The following EYA4 variants were observed in gnomAD, a reference collection of about 807,000 sequenced individuals.
EYA4 encodes the protein EYA transcriptional coactivator and phosphatase 4.
Under a neutral mutation model 87.9 loss-of-function variants are expected in EYA4, and 31 were observed. That is an observed-to-expected ratio of 0.35 (90% CI 0.27 to 0.48). The LOEUF (loss-of-function observed/expected upper bound fraction) is 0.48, where lower values mean the gene tolerates loss of function less well. Among genes scored for constraint, EYA4 ranks in the 20% least tolerant of loss-of-function variants. The pLI is 0.99. For synonymous variants in EYA4, 263 were observed against 270.6 expected (o/e 0.97, Z 0.28); for missense variants, 678 against 761.4 (o/e 0.89, Z 1.29).
chr6:133,397,096 G>A (rs969164239), intron 3 of EYA4, among the ~76,000 whole-genome samples: 4 of 152,198 alleles, frequency 2.6e-5, no homozygotes, highest in Non-Finnish European at 4.4e-5. Flanking sequence ...GCTGGAAAAA[G>A]CATTCTCTTC....
chr6:133,280,874 C>T (rs952979398), intron 2 of EYA4, among the ~76,000 whole-genome samples: 34 of 152,134 alleles, frequency 2.2e-4, no homozygotes, highest in African/African-American at 2.4e-4. Context: ...CCCATTCCCC[C>T]GATGAGCACC....
At chr6:133,513,198 T>G (rs1799308057) in intron 16 of EYA4, among the ~76,000 whole-genome samples, 160 bp downstream of exon 16, 1 of 152,144 alleles carries the variant, frequency 6.6e-6, no homozygotes, top group African/African-American at 2.4e-5. Flanking sequence ...GGGAAAAAAT[T>G]TAACTACAAA....
At chr6:133,341,113 T>G (rs530389532) in intron 2 of EYA4, among the ~76,000 whole-genome samples, 1 of 152,264 alleles carries the variant, frequency 6.6e-6, no homozygotes, top group African/African-American at 2.4e-5. Flanking sequence ...ACCCAGAACA[T>G]GCATTTTAAG....
At chr6:133,438,419 C>G (rs1791915258) in intron 3 of EYA4, among the ~76,000 whole-genome samples, 1 of 146,652 alleles carries the variant, frequency 6.8e-6, no homozygotes, top group Non-Finnish European at 1.5e-5. Context: ...GTATGTCGTC[C>G]AGATTGGCTA....
intron 2 of EYA4, among the ~76,000 whole-genome samples, chr6:133,278,715 T>C (rs1349458763): frequency 6.6e-6 from 1 of 152,196 alleles, no homozygotes; most frequent in Non-Finnish European, 1.5e-5. Flanking sequence ...ATTTTTCCTC[T>C]AGTATATCTG....
intron 1 of EYA4, chr6:133,247,806 G>C (rs1370747734): frequency 6.6e-6 from 1 of 152,026 alleles, no homozygotes; most frequent in African/African-American, 2.4e-5. Context: ...ACCCTCTCAC[G>C]GTGGCCGCCG....
At chr6:133,480,974 G>T (rs1292107442) in intron 11 of EYA4, among the ~76,000 whole-genome samples, 1 of 151,576 alleles carries the variant, frequency 6.6e-6, no homozygotes, top group African/African-American at 2.4e-5. Flanking sequence ...TGGAAGGGAA[G>T]ATGGGAGAGG....
At chr6:133,327,300 T>C (rs965492894) in intron 2 of EYA4, among the ~76,000 whole-genome samples, 18 of 151,816 alleles carry the variant, frequency 1.2e-4, no homozygotes, top group African/African-American at 4.1e-4. Flanking sequence ...GCCACGCCAG[T>C]CTAATTTTTT....
At chr6:133,467,168 C>T (rs961573189) in intron 10 of EYA4, among the ~76,000 whole-genome samples, 1 of 152,040 alleles carries the variant, frequency 6.6e-6, no homozygotes, top group African/African-American at 2.4e-5. Flanking sequence ...TGGGGAATAG[C>T]CTGGACCTTT....
chr6:133,509,962 G>C (rs1799001341), intron 14 of EYA4, among the ~76,000 whole-genome samples: 1 of 152,064 alleles, frequency 6.6e-6, no homozygotes, highest in South Asian at 2.1e-4. Context: ...TCTTTCACTG[G>C]ACCGTAATCC....
chr6:133,503,319 G>T (rs1264861964), intron 13 of EYA4, among the ~76,000 whole-genome samples: 3 of 152,154 alleles, frequency 2.0e-5, no homozygotes, highest in Non-Finnish European at 4.4e-5. Context: ...TAAATGCAAA[G>T]AATGTGAAGA....
At chr6:133,284,959 G>C (rs1465247329) in intron 2 of EYA4, among the ~76,000 whole-genome samples, 1 of 151,684 alleles carries the variant, frequency 6.6e-6, no homozygotes, top group Non-Finnish European at 1.5e-5. Context: ...GGGCAGGGTA[G>C]GTAGGTGAAG....
intron 2 of EYA4, among the ~76,000 whole-genome samples, chr6:133,293,842 T>C (rs964271389): frequency 1.3e-5 from 2 of 151,038 alleles, no homozygotes; most frequent in Admixed American, 1.3e-4. Context: ...GAGGCTGAGG[T>C]TGGAGGATCA....
At chr6:133,443,416 A>G (rs956156461) in intron 3 of EYA4, among the ~76,000 whole-genome samples, 2 of 152,062 alleles carry the variant, frequency 1.3e-5, no homozygotes, top group Admixed American at 6.5e-5. Flanking sequence ...ATTAATTGGC[A>G]TAATATAGTT....
chr6:133,273,001 C>T (rs1424666479), intron 1 of EYA4, among the ~76,000 whole-genome samples: 1 of 151,326 alleles, frequency 6.6e-6, no homozygotes, highest in African/African-American at 2.4e-5. Flanking sequence ...TGGGTTAAGG[C>T]ACCCGATGCT....
chr6:133,493,739 A>G (rs537236331), intron 13 of EYA4, among the ~76,000 whole-genome samples: 2 of 152,330 alleles, frequency 1.3e-5, no homozygotes, highest in African/African-American at 2.4e-5. Flanking sequence ...GCTCAACTCA[A>G]TAGGAAAATA....
At chr6:133,273,098 T>TATATATATATATAAATATAA (rs1776859975) in intron 1 of EYA4, among the ~76,000 whole-genome samples, 2 of 83,098 alleles carry the variant, frequency 2.4e-5, no homozygotes, top group Admixed American at 2.1e-4. Flanking sequence ...TATATATATG[T>TATATATATATATAAATATAA]ATATATATAT....
At chr6:133,288,503 C>T (rs190268578) in intron 2 of EYA4, among the ~76,000 whole-genome samples, 1 of 152,070 alleles carries the variant, frequency 6.6e-6, no homozygotes, top group East Asian at 1.9e-4. Context: ...GTATCAATGA[C>T]TTAAGGAAAG....
intron 2 of EYA4, among the ~76,000 whole-genome samples, chr6:133,375,637 T>G (rs2128469944): frequency 6.6e-6 from 1 of 151,988 alleles, no homozygotes; most frequent in South Asian, 2.1e-4. Flanking sequence ...CGGTTATCAA[T>G]TTTTAAAAAA....
Sources: gnomAD v4.1 joint callset for allele counts (sites outside exome capture counted in the v4.1 genomes callset) on GRCh38, gnomAD v4.1.1 for gene constraint, MANE v1.5 for transcripts, NCBI Gene and HGNC (gene_info 2026-07-23, HGNC 2026-07-21) for gene names.